The following THSD7A variants were observed in gnomAD, a reference collection of about 807,000 sequenced individuals.
THSD7A encodes the protein thrombospondin type-1 domain-containing protein 7A.
THSD7A carries 96 observed loss-of-function variants against 231.3 expected under a neutral mutation model. The ratio of observed to expected loss-of-function variants is 0.41; its 90% CI spans 0.35 to 0.49. THSD7A has a LOEUF of 0.49. Ranked by LOEUF, THSD7A falls within the 20% of genes least tolerant of loss-of-function variation. The pLI is 0.05. For synonymous variants in THSD7A, 940 were observed against 743.3 expected (o/e 1.26, Z -4.30); for missense variants, 2,290 against 2,070.2 (o/e 1.11, Z -2.06).
intron 1 of THSD7A, among the ~76,000 whole-genome samples, chr7:11,655,225 T>G (rs1782660429): frequency 6.6e-6 from 1 of 150,614 alleles, no homozygotes; most frequent in African/African-American, 2.5e-5. Flanking sequence ...TTAAGTAAAT[T>G]ATGATAAAAA....
Position 11,474,192 on chromosome 7 carries a change from A to T in THSD7A, c.2252+142T>A. On this transcript the variant is annotated intron_variant, in intron 8 of 27. Coordinates refer to ENST00000423059, the MANE Select transcript of THSD7A (RefSeq NM_015204.3). This position sits in a 1 kb window ranked among gnomAD's most constrained non-coding sequence, Gnocchi z 4.1. The stretch of plus-strand genomic sequence containing the variant: ...GCTGTTATAGCTTTATCAGTGGCTG[A>T]CTTTCAAAACAAACAAATCTTGCTC... The T allele has an allele frequency of 1.5e-6, 1 of 658,622 alleles. No individual in the cohort carries two copies. The allele number at this position is 658,622 out of a possible 1,614,324, so 40.8% of individuals were successfully genotyped here. A position where few individuals can be genotyped will look rare whatever the true frequency, so the allele number is the denominator to read the frequency against.
At chr7:11,659,539 T>TTATTATTTATAATAATAGA (rs1436260208) in intron 1 of THSD7A, among the ~76,000 whole-genome samples, 1 of 151,452 alleles carries the variant, frequency 6.6e-6, no homozygotes, top group African/African-American at 2.4e-5. Flanking sequence ...CTCTTCCCTA[T>TTATTATTTATAATAATAGA]TATTATTTAT....
intron 11 of THSD7A, among the ~76,000 whole-genome samples, chr7:11,451,814 T>G (rs1785156389): frequency 6.6e-6 from 1 of 152,062 alleles, no homozygotes; most frequent in South Asian, 2.1e-4. Flanking sequence ...TGAGTGTAAT[T>G]GCTCATCTTC....
At chr7:11,766,794 T>G (rs1311686183) in intron 1 of THSD7A, among the ~76,000 whole-genome samples, 1 of 152,138 alleles carries the variant, frequency 6.6e-6, no homozygotes, top group Admixed American at 6.5e-5. Flanking sequence ...AGAAACAGTT[T>G]AGCCAATGCA....
intron 1 of THSD7A, among the ~76,000 whole-genome samples, chr7:11,758,978 A>C (rs1290840503): frequency 6.6e-6 from 1 of 152,106 alleles, no homozygotes; most frequent in African/African-American, 2.4e-5. Flanking sequence ...GGTCAAAAAA[A>C]ACTTAAGTAA....
chr7:11,484,762 C>T (rs910141397), intron 6 of THSD7A, among the ~76,000 whole-genome samples: 5 of 151,156 alleles, frequency 3.3e-5, no homozygotes, highest in African/African-American at 9.7e-5. Flanking sequence ...GTCATGCATT[C>T]GAGTGCTCTA....
At chr7:11,566,642 T>C (rs965488567) in intron 4 of THSD7A, among the ~76,000 whole-genome samples, 31 of 152,186 alleles carry the variant, frequency 2.0e-4, no homozygotes, top group African/African-American at 6.3e-4. Context: ...ACCATAAGAA[T>C]ATGCAGAATA....
chr7:11,462,625 T>G (rs1395968846), intron 9 of THSD7A, among the ~76,000 whole-genome samples: 1 of 152,210 alleles, frequency 6.6e-6, no homozygotes, highest in Admixed American at 6.5e-5. Context: ...TTGAAATGCA[T>G]AACTTGTAAA....
At chr7:11,724,997 T>C (rs1385489345) in intron 1 of THSD7A, among the ~76,000 whole-genome samples, 1 of 151,834 alleles carries the variant, frequency 6.6e-6, no homozygotes, top group Non-Finnish European at 1.5e-5. Flanking sequence ...ACTTAAGCAG[T>C]GCCTCAAAAT....
At chr7:11,743,801 T>C (rs1358746546) in intron 1 of THSD7A, among the ~76,000 whole-genome samples, 1 of 151,938 alleles carries the variant, frequency 6.6e-6, no homozygotes, top group South Asian at 2.1e-4. Context: ...CTTTTGCCTA[T>C]TCTGTGTGAT....
At chr7:11,796,218 T>C (rs1784122054) in intron 1 of THSD7A, among the ~76,000 whole-genome samples, 1 of 151,050 alleles carries the variant, frequency 6.6e-6, no homozygotes, top group South Asian at 2.1e-4. Flanking sequence ...TATATTTGTA[T>C]ATAATTCTAG....
At chr7:11,588,232 A>G (rs988049748) in intron 4 of THSD7A, among the ~76,000 whole-genome samples, 3 of 152,194 alleles carry the variant, frequency 2.0e-5, no homozygotes, top group African/African-American at 7.2e-5. Flanking sequence ...TAGACTTCGC[A>G]TGTCACCCCT....
chr7:11,370,952 AAGT>A lies in THSD7A; in HGVS notation c.*4839_*4841del, dbSNP rs578261180. ...AGGGAAAAGTTTACTTGAGGGTTAA[AAGT>A]AGGTAATCTAGAAACTATGGCTTAA... On this transcript the variant is annotated 3_prime_UTR_variant, in exon 28 of 28. Transcript: ENST00000423059. 2 of 152,272 alleles carry A rather than the reference AAGT, an allele frequency of 1.3e-5. No homozygotes were observed. Among genetic ancestry groups the A allele is most frequent in the South Asian group, 4.1e-4 (2 of 4,830 alleles). 9.4% of individuals were successfully genotyped at this position (152,272 alleles called of 1,614,324 possible). A position where few individuals can be genotyped will look rare whatever the true frequency, so the allele number is the denominator to read the frequency against.
intron 4 of THSD7A, among the ~76,000 whole-genome samples, chr7:11,589,590 A>G (rs914367761): frequency 1.3e-5 from 2 of 152,186 alleles, no homozygotes; most frequent in African/African-American, 4.8e-5. Context: ...CTTCCATGAC[A>G]TGCAATCTGT....
intron 1 of THSD7A, among the ~76,000 whole-genome samples, chr7:11,655,906 A>T (rs1467339423): frequency 1.3e-5 from 2 of 151,916 alleles, no homozygotes; most frequent in Admixed American, 1.3e-4. Context: ...GGACAAAATC[A>T]CATATTGAAA....
At chr7:11,800,457 G>T (rs758964494) in intron 1 of THSD7A, among the ~76,000 whole-genome samples, 15 of 152,160 alleles carry the variant, frequency 9.9e-5, no homozygotes, top group Non-Finnish European at 1.9e-4. Flanking sequence ...GCTGAGGCAG[G>T]AGAATCGGTT....
At chr7:11,425,731 TAC>T (rs3086973) in intron 15 of THSD7A, among the ~76,000 whole-genome samples, 2,386 of 145,624 alleles carry the variant, frequency 0.016, 33 homozygotes, top group African/African-American at 0.032. Flanking sequence ...TCCCTTATTT[TAC>T]ACACACACAC....
intron 1 of THSD7A, among the ~76,000 whole-genome samples, chr7:11,780,629 T>A (rs969747097): frequency 6.6e-6 from 1 of 152,182 alleles, no homozygotes; most frequent in African/African-American, 2.4e-5. Flanking sequence ...CTTGACTGCA[T>A]CCTCGTGAAA....
chr7:11,631,444 G>A (rs1224828078), intron 2 of THSD7A, among the ~76,000 whole-genome samples: 1 of 151,670 alleles, frequency 6.6e-6, no homozygotes, highest in African/African-American at 2.4e-5. Flanking sequence ...TATGTCAAAC[G>A]AAAAAAATCA....
Sources: allele counts gnomAD v4.1 joint callset (sites outside exome capture counted in the v4.1 genomes callset), GRCh38; gene constraint gnomAD v4.1.1; non-coding constraint Gnocchi (gnomAD v3.1); transcripts MANE v1.5; gene names NCBI Gene and HGNC (gene_info 2026-07-23, HGNC 2026-07-21).